Variants in CALN1 observed in about 807,000 individuals in gnomAD.
CALN1 encodes the protein calneuron 1.
A neutral mutation model predicts 30.6 loss-of-function variants in CALN1; 17 were observed. The observed-to-expected ratio is 0.56, with a 90% CI of 0.38 to 0.83. CALN1 has a LOEUF of 0.83. Among genes scored for constraint, CALN1 ranks in the 40% least tolerant of loss-of-function variants. CALN1 has a pLI of 0.00. For synonymous variants in CALN1, 156 were observed against 131.4 expected (o/e 1.19, Z -1.28); for missense variants, 291 against 354.9 (o/e 0.82, Z 1.45).
At chr7:71,807,715 G>GA (rs36077834) in intron 6 of CALN1, among the ~76,000 whole-genome samples, 13 of 152,032 alleles carry the variant, frequency 8.6e-5, no homozygotes, top group Admixed American at 5.2e-4. Context: ...TGAGGAGGGG[G>GA]AATCACTTGA....
intron 2 of CALN1, among the ~76,000 whole-genome samples, chr7:72,329,716 G>A (rs1801531709): frequency 6.6e-6 from 1 of 152,208 alleles, no homozygotes. Context: ...CACTTTGGGA[G>A]GCTGAGGCAG....
chr7:71,833,561 G>A (rs1273595800), intron 5 of CALN1, among the ~76,000 whole-genome samples: 1 of 137,410 alleles, frequency 7.3e-6, no homozygotes, highest in Non-Finnish European at 1.6e-5. Flanking sequence ...GAAAATACAG[G>A]ATATAACATG....
In CALN1 at chr7:72,048,643, A is replaced by G. The variant is rs140222497; in HGVS notation, c.389-24874T>C. 2.4e-4 allele frequency among the ~76,000 whole-genome samples: 36 copies of G among 150,764 alleles called. No individual in the cohort carries two copies. The East Asian group carries it at 3.1e-3, about 13-fold the overall frequency. On this transcript the variant is annotated intron_variant, in intron 4 of 6. Coordinates refer to ENST00000395275, the MANE Select transcript of CALN1 (RefSeq NM_031468.4). ...ATATAAGTGCTTTCTGAAAAATATA[A>G]TTTCCTTCCTTTTCCTCCCTCCCTT...
intron 3 of CALN1, among the ~76,000 whole-genome samples, chr7:72,207,246 G>A (rs1791958797): frequency 6.6e-6 from 1 of 152,196 alleles, no homozygotes; most frequent in East Asian, 1.9e-4. Context: ...CTTTGTCGGC[G>A]GGAGGGAAGA....
At chr7:72,283,865 AG>A (rs1797895824) in intron 2 of CALN1, among the ~76,000 whole-genome samples, 1 of 148,644 alleles carries the variant, frequency 6.7e-6, no homozygotes. Flanking sequence ...GAGCCAAAGA[AG>A]AGTCCACTTC....
rs144244240 is a variant in CALN1, at chr7:72,111,568, C to T, written c.245-5274G>A. Among the ~76,000 whole-genome samples, 281 of 152,060 alleles carry T rather than the reference C, an allele frequency of 1.8e-3. 1 individual carries two copies. The highest frequency in any genetic ancestry group is 6.6e-3 in the African/African-American group (275 of 41,478). On this transcript the variant is annotated intron_variant, in intron 3 of 6. Transcript: ENST00000395275. The stretch of plus-strand genomic sequence containing the variant: ...GAGCTCCTGGGCTCAAGAGATCCTC[C>T]TGCCTTGGCCTCTTGAGTACACACC...
chr7:72,294,113 A>G (rs901891052), intron 2 of CALN1, among the ~76,000 whole-genome samples: 38 of 152,264 alleles, frequency 2.5e-4, no homozygotes, highest in Admixed American at 2.2e-3. Context: ...AATGAGATTC[A>G]GTTTCCTTCA....
intron 5 of CALN1, among the ~76,000 whole-genome samples, chr7:72,022,012 T>A (rs961053406): frequency 5.3e-5 from 8 of 152,316 alleles, no homozygotes; most frequent in Admixed American, 2.0e-4. Flanking sequence ...GGTTTTGAGG[T>A]CTTGCCCTTC....
At chr7:72,303,538 C>T (rs1246250484) in intron 2 of CALN1, among the ~76,000 whole-genome samples, 1 of 142,578 alleles carries the variant, frequency 7.0e-6, no homozygotes, top group African/African-American at 2.6e-5. Flanking sequence ...GCCTGGGCAA[C>T]AAGAGCGAAA....
At position 72,242,014 on chromosome 7, in the gene CALN1, ACT is replaced by A. The variant is rs1204838507; in HGVS notation, c.244+36670_244+36671del. 1.1e-4 allele frequency among the ~76,000 whole-genome samples: 16 copies of A among 152,148 alleles called. No homozygotes were observed. In the East Asian group the frequency reaches 2.5e-3, roughly 24 times the overall value. The stretch of plus-strand genomic sequence containing the variant: ...AAAGTGAAATTCTACCTATTAAATA[ACT>A]CTGCACTTGTTAAACAACCCTATTC... On this transcript the variant is annotated intron_variant, in intron 3 of 6. Coordinates refer to ENST00000395275, the MANE Select transcript of CALN1 (RefSeq NM_031468.4).
chr7:71,874,445 T>A (rs925806502), intron 5 of CALN1, among the ~76,000 whole-genome samples: 2 of 152,152 alleles, frequency 1.3e-5, no homozygotes, highest in Admixed American at 6.6e-5. Flanking sequence ...GAAGGTCATT[T>A]GCAGCAAAAG....
At position 71,818,716 on chromosome 7, in the gene CALN1, ATTTATTTT is replaced by A. The variant is rs1420679482; in HGVS notation, c.502-8232_502-8225del. On this transcript the variant is annotated intron_variant, in intron 5 of 6. Transcript: ENST00000395275. ...TATTTATTTATTTATTTATTTATTTATTTATTTTTTTGAGCTGGAGTCTCACTCTGTCA... is the reference window on the plus strand; with the variant it reads ...TATTTATTTATTTATTTATTTATTTATTTGAGCTGGAGTCTCACTCTGTCA... Among the ~76,000 whole-genome samples the A allele has an allele frequency of 5.6e-3, 769 of 138,104 alleles. 3 individuals carry two copies. The highest frequency in any genetic ancestry group is 0.021 in the African/African-American group (715 of 34,402). 90.6% of individuals were successfully genotyped at this position (138,104 alleles called of 152,430 possible). A position where few individuals can be genotyped will look rare whatever the true frequency, so the allele number is the denominator to read the frequency against.
chr7:72,331,306 C>T (rs951158892), intron 2 of CALN1, among the ~76,000 whole-genome samples: 10 of 151,724 alleles, frequency 6.6e-5, no homozygotes, highest in Non-Finnish European at 1.0e-4. Context: ...GCCGAGATCA[C>T]GCCACTGCAC....
intron 3 of CALN1, among the ~76,000 whole-genome samples, chr7:72,251,460 G>A (rs753456016): frequency 6.6e-6 from 1 of 151,934 alleles, no homozygotes; most frequent in Non-Finnish European, 1.5e-5. Flanking sequence ...CTGCAGTGGT[G>A]TGATCATAGC....
intron 3 of CALN1, among the ~76,000 whole-genome samples, chr7:72,118,919 A>T (rs1413088681): frequency 2.0e-5 from 3 of 152,228 alleles, no homozygotes; most frequent in Admixed American, 2.0e-4. Context: ...CCTCCAAAAA[A>T]GCATGAAAAA....
At chr7:72,431,170 T>C (rs1807964220) in intron 1 of CALN1, among the ~76,000 whole-genome samples, 1 of 151,992 alleles carries the variant, frequency 6.6e-6, no homozygotes, top group Middle Eastern at 3.2e-3. Flanking sequence ...CCTCAAATGA[T>C]CCACTGGCCT....
At chr7:72,175,470 T>G (rs770993033) in intron 3 of CALN1, among the ~76,000 whole-genome samples, 2 of 152,314 alleles carry the variant, frequency 1.3e-5, no homozygotes, top group East Asian at 3.9e-4. Flanking sequence ...GCATCATGAC[T>G]GTCCTCAGAT....
intron 2 of CALN1, among the ~76,000 whole-genome samples, chr7:72,317,076 C>CAGAGAGAGAG (rs1554367041): frequency 2.2e-5 from 2 of 91,822 alleles, no homozygotes; most frequent in Non-Finnish European, 4.2e-5. Context: ...AAGAGAGACA[C>CAGAGAGAGAG]AGAAAGAGAG....
chr7:71,963,551 C>T (rs1797369394), intron 5 of CALN1, among the ~76,000 whole-genome samples: 1 of 151,690 alleles, frequency 6.6e-6, no homozygotes, highest in South Asian at 2.1e-4. Flanking sequence ...ATGATCCGCC[C>T]ACCTTGGCCT....
Sources: allele counts gnomAD v4.1 joint callset (sites outside exome capture counted in the v4.1 genomes callset), GRCh38; gene constraint gnomAD v4.1.1; transcripts MANE v1.5; gene names NCBI Gene and HGNC (gene_info 2026-07-23, HGNC 2026-07-21).